Variants in FAM124A observed in about 807,000 individuals in gnomAD.
The protein encoded by FAM124A is protein FAM124A.
FAM124A carries 23 observed loss-of-function variants against 24.5 expected under a neutral mutation model. The observed-to-expected ratio is 0.94, with a 90% CI of 0.68 to 1.33. The LOEUF is 1.33. FAM124A is among the 40% of genes most tolerant of loss of function. The pLI, the probability that FAM124A is intolerant of heterozygous loss-of-function variation, is 0.00. For missense variants in FAM124A, 623 were observed against 722.8 expected (o/e 0.86, Z 1.58); for synonymous variants, 287 against 314.7 (o/e 0.91, Z 0.93).
chr13:51,233,623 C>G (rs1394229138), intron 2 of FAM124A, among the ~76,000 whole-genome samples: 1 of 152,164 alleles, frequency 6.6e-6, no homozygotes, highest in East Asian at 1.9e-4. Flanking sequence ...TGGCCTGCCT[C>G]TCCTCCCAGC....
intron 3 of FAM124A, among the ~76,000 whole-genome samples, chr13:51,267,442 A>C (rs927050271): frequency 6.6e-6 from 1 of 152,212 alleles, no homozygotes; most frequent in Non-Finnish European, 1.5e-5. Context: ...TCAAAAGAGA[A>C]GAATAACTTC....
chr13:51,281,420 CTA>C lies in FAM124A; in HGVS notation c.*165_*166del. On this transcript the variant is annotated 3_prime_UTR_variant, in exon 4 of 4. Coordinates refer to ENST00000322475, the MANE Select transcript of FAM124A (RefSeq NM_001242312.2). ...CTCTTAGCTGGGGGGTGGTATATCT[CTA>C]GAGACACAGCAGAAAAATACTGGCA... 3.5e-6 allele frequency: 2 copies of C among 568,006 alleles called. No homozygotes were observed. Among genetic ancestry groups the C allele is most frequent in the Non-Finnish European group, 5.9e-6 (2 of 341,076 alleles). The allele number at this position is 568,006 out of a possible 1,614,324, so 35.2% of individuals were successfully genotyped here.
chr13:51,243,853 C>G (rs2137665951), intron 2 of FAM124A, among the ~76,000 whole-genome samples: 1 of 152,234 alleles, frequency 6.6e-6, no homozygotes, highest in South Asian at 2.1e-4. Context: ...GGTCTTTATT[C>G]ACAGTGTCAG....
chr13:51,268,725 A>C (rs1341493035), intron 3 of FAM124A, among the ~76,000 whole-genome samples: 1 of 151,746 alleles, frequency 6.6e-6, no homozygotes, highest in African/African-American at 2.4e-5. Flanking sequence ...TGGATCACCA[A>C]GTTATGAGCA....
intron 2 of FAM124A, among the ~76,000 whole-genome samples, chr13:51,246,529 G>A (rs941944612): frequency 3.3e-5 from 5 of 152,018 alleles, no homozygotes; most frequent in African/African-American, 1.2e-4. Context: ...TAATGCCACT[G>A]CTCATTCTCC....
Position 51,251,227 on chromosome 13 carries a change from C to T in FAM124A, c.101-241C>T, listed in dbSNP as rs796766519. 2.2e-4 allele frequency among the ~76,000 whole-genome samples: 34 copies of T among 152,302 alleles called. No homozygotes were observed. Among genetic ancestry groups the T allele is most frequent in the African/African-American group, 7.0e-4 (29 of 41,580 alleles). On this transcript the variant is annotated intron_variant, in intron 2 of 3. Transcript: ENST00000322475. This position sits in a 1 kb window ranked among gnomAD's most constrained non-coding sequence, Gnocchi z 5.3. ...GATGAAATACAGGACCAAGGTTCTC[C>T]TCACCCTGTCCAGCTTAGAAACTAT...
At chr13:51,240,031 C>T (rs954959808) in intron 2 of FAM124A, among the ~76,000 whole-genome samples, 2 of 152,200 alleles carry the variant, frequency 1.3e-5, no homozygotes, top group African/African-American at 2.4e-5. Flanking sequence ...ATTGGTGCTC[C>T]GTCCAGCCTT....
In FAM124A at chr13:51,233,953, C is replaced by T. The variant is rs137858956; in HGVS notation, c.100+2574C>T. 1.9e-4 allele frequency among the ~76,000 whole-genome samples: 29 copies of T among 152,218 alleles called. No individual in the cohort carries two copies. The East Asian group carries it at 4.1e-3, about 21-fold the overall frequency. ...TCACAGTTGAGACTTGGGGTGGCAC[C>T]GTCTGTGTCCAGCAGGGTCCTGGGC... On this transcript the variant is annotated intron_variant, in intron 2 of 3. Transcript: ENST00000322475.
rs549712554 is a variant in FAM124A, at chr13:51,267,720, CTGAGTA to C, written c.835-12728_835-12723del. Among the ~76,000 whole-genome samples the C allele has an allele frequency of 1.4e-3, 212 of 152,220 alleles. 1 individual carries two copies. The highest frequency in any genetic ancestry group is 4.7e-3 in the African/African-American group (195 of 41,500). ...ACTACTGAACCACCTAAGCGATGCT[CTGAGTA>C]TAAGGGTTAAGCTGCCCTTCTACTA... is the stretch of plus-strand genomic sequence containing the variant. On this transcript the variant is annotated intron_variant, in intron 3 of 3. Transcript: ENST00000322475.
chr13:51,251,975 C>A lies in FAM124A; in HGVS notation c.608C>A (p.Ala203Glu). The A allele has an allele frequency of 6.2e-7, 1 of 1,614,242 alleles. No homozygotes were observed. Among genetic ancestry groups the A allele is most frequent in the Non-Finnish European group, 8.5e-7 (1 of 1,180,040 alleles). The change falls in exon 3 of 4, where the codon GCG becomes GAG. Residue 203 changes from alanine (A) to glutamate (E), a missense_variant. By Grantham distance (107) the Ala-to-Glu change is moderately radical (BLOSUM62 -1). Transcript: ENST00000322475. The surrounding 1 kb of genome is among the most constrained non-coding windows in gnomAD (Gnocchi z 5.3). ...ILRRSPSQKK[A>E]DFCIFPIFSN... ...CGGAGGAGCCCCAGCCAGAAGAAAG[C>A]GGACTTCTGCATCTTCCCTATTTTT...
intron 1 of FAM124A, among the ~76,000 whole-genome samples, chr13:51,229,485 G>A (rs183914017): frequency 2.0e-5 from 3 of 152,282 alleles, no homozygotes; most frequent in Admixed American, 1.3e-4. Context: ...TATGTTTCAA[G>A]TGTAAATTTC....
chr13:51,273,687 G>T (rs1368167029), intron 3 of FAM124A, among the ~76,000 whole-genome samples: 3 of 152,198 alleles, frequency 2.0e-5, no homozygotes. Context: ...GAGAATTGAA[G>T]AAATTATCTG....
intron 1 of FAM124A, among the ~76,000 whole-genome samples, chr13:51,230,855 G>C (rs116054811): frequency 0.011 from 1,707 of 152,312 alleles, 26 homozygotes; most frequent in African/African-American, 0.033. Context: ...TTTGTTTCCT[G>C]GTGGTCAGCC....
intron 2 of FAM124A, among the ~76,000 whole-genome samples, chr13:51,235,029 C>T (rs1178498774): frequency 1.3e-5 from 2 of 152,204 alleles, no homozygotes; most frequent in African/African-American, 4.8e-5. Flanking sequence ...TGTCCCCGTC[C>T]AGATCCGGGG....
intron 2 of FAM124A, among the ~76,000 whole-genome samples, chr13:51,246,401 G>GGGC (rs1954560939): frequency 8.2e-6 from 1 of 122,474 alleles, no homozygotes; most frequent in Admixed American, 8.0e-5. Context: ...GTTTCTCGTG[G>GGGC]GGTGGGGGGG....
intron 1 of FAM124A, among the ~76,000 whole-genome samples, chr13:51,227,041 A>G (rs1488968845): frequency 6.6e-6 from 1 of 152,184 alleles, no homozygotes; most frequent in African/African-American, 2.4e-5. Flanking sequence ...TTCTCACCAT[A>G]CTATATTATT....
chr13:51,271,271 C>G (rs556096362), intron 3 of FAM124A, among the ~76,000 whole-genome samples: 1 of 152,314 alleles, frequency 6.6e-6, no homozygotes, highest in Admixed American at 6.5e-5. Flanking sequence ...CACAGTTTTT[C>G]TAGGTCTCCA....
At chr13:51,245,131 A>G (rs58955860) in intron 2 of FAM124A, among the ~76,000 whole-genome samples, 4,841 of 152,298 alleles carry the variant, frequency 0.032, 268 homozygotes, top group African/African-American at 0.11. Context: ...CTGCCACAAA[A>G]TACTTAGGGT....
At chr13:51,270,149 C>T (rs1412542417) in intron 3 of FAM124A, among the ~76,000 whole-genome samples, 1 of 152,144 alleles carries the variant, frequency 6.6e-6, no homozygotes, top group African/African-American at 2.4e-5. Context: ...GAATCAGAGA[C>T]CCCAGACCCA....
Sources: gnomAD v4.1 joint callset for allele counts (sites outside exome capture counted in the v4.1 genomes callset) on GRCh38, gnomAD v4.1.1 for gene constraint, Gnocchi (gnomAD v3.1) non-coding constraint, MANE v1.5 for transcripts, NCBI Gene and HGNC (gene_info 2026-07-23, HGNC 2026-07-21) for gene names.